DGKH: variants seen among roughly 807,000 people sequenced by gnomAD.
The protein encoded by DGKH is DAG kinase eta.
In DGKH, 90 loss-of-function variants were observed where a neutral mutation model predicts 159.3. That is an observed-to-expected ratio of 0.57 (90% CI 0.48 to 0.67). The LOEUF (loss-of-function observed/expected upper bound fraction) is 0.67, where lower values mean the gene tolerates loss of function less well. DGKH is among the 30% of genes least tolerant of loss of function. The pLI, the probability that DGKH is intolerant of heterozygous loss-of-function variation, is 0.00. For missense variants in DGKH, 1,181 were observed against 1,506.1 expected, an observed-to-expected ratio of 0.78 and a Z score of 3.57; for synonymous variants, 536 against 553.8, an observed-to-expected ratio of 0.97 and a Z score of 0.45.
At chr13:42,068,209 A>C (rs1882719638) in intron 1 of DGKH, among the ~76,000 whole-genome samples, 1 of 152,208 alleles carries the variant, frequency 6.6e-6, no homozygotes, top group Non-Finnish European at 1.5e-5. Context: ...ATTTGCAAAT[A>C]AATTTTAAAA....
Position 42,229,169 on chromosome 13 carries a change from C to A in DGKH, c.3644C>A (p.Thr1215Asn). 1 of 1,610,448 alleles carries A rather than the reference C, an allele frequency of 6.2e-7. No individual in the cohort carries two copies. The highest frequency in any genetic ancestry group is 8.5e-7 in the Non-Finnish European group (1 of 1,179,018). Residue 1215 changes from threonine (T) to asparagine (N), a missense_variant, in exon 30 of 30, where the codon ACT (threonine) becomes AAT (asparagine). Transcript: ENST00000337343. ...LQGIKELGRS[T>N]PQSEV ...GGAATTAAAGAGCTTGGAAGGAGCA[C>A]TCCACAGTCGGAGGTGTAATCATAT...
At chr13:42,101,078 C>A (rs575133646) in intron 1 of DGKH, among the ~76,000 whole-genome samples, 268 of 152,318 alleles carry the variant, frequency 1.8e-3, no homozygotes, top group African/African-American at 6.0e-3. Context: ...CTGGCTCCCC[C>A]ACTAATCTCT....
downstream of DGKH, among the ~76,000 whole-genome samples, chr13:42,245,957 T>G (rs1304260784): frequency 6.6e-6 from 1 of 152,212 alleles, no homozygotes; most frequent in African/African-American, 2.4e-5. Flanking sequence ...AAATGCTAAT[T>G]GTATTATATA....
intron 16 of DGKH, among the ~76,000 whole-genome samples, chr13:42,192,611 CT>C (rs1399956789): frequency 6.0e-5 from 9 of 149,200 alleles, no homozygotes; most frequent in African/African-American, 2.2e-4. Flanking sequence ...TCTTCTTCTT[CT>C]TCTTTTCTTT....
rs746090331 is a variant in DGKH at position 42,190,427 on chromosome 13, C to T, written c.1937C>T (p.Pro646Leu). 3.1e-6 allele frequency: 5 copies of T among 1,609,324 alleles called. No homozygotes were observed. Among genetic ancestry groups the T allele is most frequent in the Non-Finnish European group, 3.4e-6 (4 of 1,178,446 alleles). The stretch of plus-strand genomic sequence containing the variant: ...GTTATGGATGACCCGACAGTTCACC[C>T]CTGTGAACCAGCTAATCAGTCCTCT... Reference protein sequence around the residue: ...GKVMDDPTVHPCEPANQSSDY... With the variant: ...GKVMDDPTVHLCEPANQSSDY... The change falls in exon 16 of 30, where the codon CCC becomes CTC. Residue 646 changes from proline (P) to leucine (L), a missense_variant. Physicochemically the swap from Pro to Leu is moderately conservative, Grantham distance 98. Transcript: ENST00000337343.
At chr13:42,125,258 C>G (rs1022303974) in intron 1 of DGKH, among the ~76,000 whole-genome samples, 1 of 152,188 alleles carries the variant, frequency 6.6e-6, no homozygotes, top group Non-Finnish European at 1.5e-5. Flanking sequence ...TTATTTACTT[C>G]TTACAAGAAG....
rs548083420 is a variant in DGKH at position 42,229,316 on chromosome 13, A to G, written c.*128A>G. The stretch of plus-strand genomic sequence containing the variant: ...ACCACTGAAGCACCTCTGTGGCTTG[A>G]TATTTTGCTGTGGGTGAAATTTTGA... On this transcript the variant is annotated 3_prime_UTR_variant, in exon 30 of 30. Coordinates refer to ENST00000337343, the MANE Select transcript of DGKH (RefSeq NM_178009.5). 1.3e-6 allele frequency: 1 copy of G among 771,196 alleles called. No homozygotes were observed. Among genetic ancestry groups the G allele is most frequent in the Non-Finnish European group, 2.0e-6 (1 of 491,862 alleles). 47.8% of individuals were successfully genotyped at this position (771,196 alleles called of 1,614,324 possible).
In DGKH at chr13:42,190,444, C is replaced by T. The variant is rs780375331; in HGVS notation, c.1954C>T (p.Gln652Ter). The T allele has an allele frequency of 1.2e-6, 2 of 1,610,954 alleles. No individual in the cohort carries two copies. The highest frequency in any genetic ancestry group is 1.7e-6 in the Non-Finnish European group (2 of 1,178,904). The change falls in exon 16 of 30, where the codon CAG (glutamine) becomes TAG (stop). Residue 652 changes from glutamine (Q) to a stop codon, truncating the protein, a stop_gained. Coordinates refer to ENST00000337343, the MANE Select transcript of DGKH (RefSeq NM_178009.5). LOFTEE classifies it high-confidence loss of function. ...AGTTCACCCCTGTGAACCAGCTAAT[C>T]AGTCCTCTGATTATGACAGCACAGA... ...PTVHPCEPANQSSDYDSTETD... is the reference protein window; with the variant it reads ...PTVHPCEPAN
At chr13:42,127,693 A>C (rs1955198400) in intron 2 of DGKH, 120 bp downstream of exon 2, 1 of 717,520 alleles carries the variant, frequency 1.4e-6, no homozygotes, top group Non-Finnish European at 2.4e-6. Context: ...ATATGAATTC[A>C]ATATAAATGT....
rs67141907 is a variant in DGKH, at chr13:42,231,224, C to T, written c.*2036C>T. 0.11 allele frequency: 17,011 copies of T among 152,028 alleles called. 1,238 individuals carry two copies. Among genetic ancestry groups the T allele is most frequent in the Non-Finnish European group, 0.15 (10,458 of 68,044 alleles). The allele number at this position is 152,028 out of a possible 1,614,324, so 9.4% of individuals were successfully genotyped here. On this transcript the variant is annotated 3_prime_UTR_variant, in exon 30 of 30. Coordinates refer to ENST00000337343, the MANE Select transcript of DGKH (RefSeq NM_178009.5). Reference sequence around the variant, plus strand: ...CAAAAATTAGCCGGGTGTGGTGGCACGCACCTGTAATCCCAGCTACTCGGG... The same window carrying T: ...CAAAAATTAGCCGGGTGTGGTGGCATGCACCTGTAATCCCAGCTACTCGGG...
rs576329548 is a variant in DGKH, at chr13:42,224,428, G to C, written c.3573+3034G>C. On this transcript the variant is annotated intron_variant, in intron 29 of 29. Transcript: ENST00000337343. Reference sequence around the variant, plus strand: ...CTCTTTATATCCTGTCCACAATCCTGCTCCATGCTACTGTCCAGTTTTGCT... The same window carrying C: ...CTCTTTATATCCTGTCCACAATCCTCCTCCATGCTACTGTCCAGTTTTGCT... 2.0e-5 allele frequency among the ~76,000 whole-genome samples: 3 copies of C among 152,186 alleles called. No homozygotes were observed. The East Asian group carries it at 5.8e-4, about 29-fold the overall frequency.
chr13:42,077,560 T>C (rs896291453), intron 1 of DGKH, among the ~76,000 whole-genome samples: 3 of 152,208 alleles, frequency 2.0e-5, no homozygotes, highest in Non-Finnish European at 4.4e-5. Context: ...TTCTGAATAT[T>C]ATCCATCTGA....
At chr13:42,069,910 T>G (rs761818889) in intron 1 of DGKH, 4 of 726,332 alleles carry the variant, frequency 5.5e-6, no homozygotes, top group Non-Finnish European at 9.7e-6. Flanking sequence ...GGGATCGACT[T>G]GTACTTCTTC....
At chr13:42,165,220 AC>A (rs1319948662) in intron 7 of DGKH, 110 bp from the exon 8 acceptor site, 10 of 514,512 alleles carry the variant, frequency 1.9e-5, no homozygotes, top group Non-Finnish European at 3.4e-5. Context: ...TTTATGAATT[AC>A]TGAACATTTT....
chr13:42,153,885 C>T (rs1955978001), intron 3 of DGKH: 1 of 152,236 alleles, frequency 6.6e-6, no homozygotes, highest in Non-Finnish European at 1.5e-5. Context: ...TGCTCCTCTT[C>T]CATGTGACTT....
chr13:42,093,581 C>T (rs930711811), intron 1 of DGKH, among the ~76,000 whole-genome samples: 1 of 152,090 alleles, frequency 6.6e-6, no homozygotes, highest in Non-Finnish European at 1.5e-5. Context: ...AGTATTATTC[C>T]TAATAGCCAA....
At chr13:42,119,390 T>C (rs1955024498) in intron 1 of DGKH, among the ~76,000 whole-genome samples, 1 of 152,244 alleles carries the variant, frequency 6.6e-6, no homozygotes, top group Non-Finnish European at 1.5e-5. Flanking sequence ...TCAGAGACGC[T>C]CCTCTTAGCC....
At position 42,214,529 on chromosome 13, in the gene DGKH, C is replaced by G. The variant is rs867697062; in HGVS notation, c.3037C>G (p.His1013Asp). The G allele has an allele frequency of 6.2e-7, 1 of 1,613,022 alleles. No homozygotes were observed. Among genetic ancestry groups the G allele is most frequent in the Admixed American group, 1.7e-5 (1 of 59,892 alleles). ...ITRICDAATI[H>D]CLLEQELAHA... ...TAGGATATGTGACGCAGCCACAATT[C>G]ACTGTCTTTTGGAGCAAGAACTGGC... Residue 1013 changes from histidine to aspartate, a missense_variant, in exon 25 of 30, where the codon CAC becomes GAC. This residue lies in a region of DGKH where 335 missense variants were observed against 495.2 expected (regional missense o/e 0.68). Transcript: ENST00000337343.
intron 1 of DGKH, among the ~76,000 whole-genome samples, chr13:42,125,051 T>G (rs1955143887): frequency 6.6e-6 from 1 of 152,218 alleles, no homozygotes; most frequent in Admixed American, 6.5e-5. Flanking sequence ...GGCTGCCATT[T>G]GAATCGCCAC....
Sources: allele counts gnomAD v4.1 joint callset (sites outside exome capture counted in the v4.1 genomes callset), GRCh38; gene constraint gnomAD v4.1.1; regional missense constraint gnomAD v4.1.1; transcripts MANE v1.5; gene names NCBI Gene and HGNC (gene_info 2026-07-23, HGNC 2026-07-21).